The following PLD5 variants were observed in gnomAD, a reference collection of about 807,000 sequenced individuals.
The protein encoded by PLD5 is phospholipase D family member 5.
A neutral mutation model predicts 61.1 loss-of-function variants in PLD5; 36 were observed. The ratio of observed to expected loss-of-function variants is 0.59; its 90% CI spans 0.45 to 0.78. The LOEUF is 0.78. PLD5 is among the 30% of genes least tolerant of loss of function. The pLI, the probability that PLD5 is intolerant of heterozygous loss-of-function variation, is 0.00. For missense variants in PLD5, 515 were observed against 644.4 expected (o/e 0.80, Z 2.17); for synonymous variants, 243 against 242.8 (o/e 1.00, Z -0.01).
chr1:242,475,165 G>A (rs1332523627), intron 1 of PLD5, among the ~76,000 whole-genome samples: 1 of 152,208 alleles, frequency 6.6e-6, no homozygotes, highest in East Asian at 1.9e-4. Flanking sequence ...ACATAGAGAT[G>A]CATGTGCGTG....
intron 1 of PLD5, among the ~76,000 whole-genome samples, chr1:242,442,301 C>G (rs538149161): frequency 2.4e-4 from 36 of 152,264 alleles, no homozygotes; most frequent in Middle Eastern, 6.8e-3. Flanking sequence ...AGAATAAAAA[C>G]AACTGAGAAG....
rs990841445 is a variant in PLD5 at position 242,192,881 on chromosome 1, G to T, written c.735+27107C>A. 7.9e-5 allele frequency among the ~76,000 whole-genome samples: 12 copies of T among 151,962 alleles called. No individual in the cohort carries two copies. The East Asian group carries it at 2.3e-3, about 29-fold the overall frequency. Reference sequence around the variant, plus strand: ...GGTCTTAGTAACATTGGTGTTTTCTGGGGTAAGCCATGCTGGAAAAGCTCT... The same window carrying T: ...GGTCTTAGTAACATTGGTGTTTTCTTGGGTAAGCCATGCTGGAAAAGCTCT... On this transcript the variant is annotated intron_variant, in intron 5 of 9. Coordinates refer to ENST00000536534, the MANE Select transcript of PLD5 (RefSeq NM_001372062.1).
intron 5 of PLD5, among the ~76,000 whole-genome samples, chr1:242,130,130 C>A (rs1368554155): frequency 1.3e-5 from 2 of 151,540 alleles, no homozygotes; most frequent in Non-Finnish European, 2.9e-5. Flanking sequence ...TGGCTCACTG[C>A]AACCTCTGCC....
At chr1:242,138,850 C>G (rs915169452) in intron 5 of PLD5, among the ~76,000 whole-genome samples, 3 of 152,294 alleles carry the variant, frequency 2.0e-5, no homozygotes, top group Admixed American at 1.3e-4. Context: ...GCCTCTTACT[C>G]CTACCTGCCA....
chr1:242,112,678 T>C (rs978360039), intron 7 of PLD5, among the ~76,000 whole-genome samples: 4 of 152,142 alleles, frequency 2.6e-5, no homozygotes, highest in African/African-American at 9.6e-5. Flanking sequence ...TTATGTAGGG[T>C]TGGTGATGTA....
At chr1:242,417,465 C>A (rs1398271680) in intron 1 of PLD5, among the ~76,000 whole-genome samples, 1 of 152,198 alleles carries the variant, frequency 6.6e-6, no homozygotes, top group East Asian at 1.9e-4. Flanking sequence ...TGCATAATCT[C>A]CCCTTAGTTT....
At chr1:242,479,834 G>A (rs1239102752) in intron 1 of PLD5, among the ~76,000 whole-genome samples, 2 of 151,528 alleles carry the variant, frequency 1.3e-5, no homozygotes, top group African/African-American at 4.9e-5. Flanking sequence ...ACAAGGTCAG[G>A]AGATCGAGAC....
chr1:242,509,702 C>T (rs1668842980), intron 1 of PLD5, among the ~76,000 whole-genome samples: 1 of 152,146 alleles, frequency 6.6e-6, no homozygotes, highest in African/African-American at 2.4e-5. Context: ...TGAAGAAAAG[C>T]CACAACGATG....
chr1:242,268,862 A>G (rs1312650030), intron 3 of PLD5, among the ~76,000 whole-genome samples: 1 of 152,034 alleles, frequency 6.6e-6, no homozygotes, highest in Non-Finnish European at 1.5e-5. Flanking sequence ...TTAACTTTTG[A>G]GATGGAGTCT....
intron 5 of PLD5, among the ~76,000 whole-genome samples, chr1:242,158,141 G>A (rs1244289049): frequency 1.3e-5 from 2 of 152,166 alleles, no homozygotes; most frequent in East Asian, 3.9e-4. Context: ...CTCAGCAATG[G>A]CAGACGCCCC....
intron 5 of PLD5, among the ~76,000 whole-genome samples, chr1:242,153,768 G>C (rs1665128317): frequency 6.6e-6 from 1 of 152,116 alleles, no homozygotes; most frequent in African/African-American, 2.4e-5. Flanking sequence ...TTGTAGTATA[G>C]TTTGAAGTCA....
At chr1:242,218,376 TTG>T (rs1670348057) in intron 5 of PLD5, among the ~76,000 whole-genome samples, 5 of 152,202 alleles carry the variant, frequency 3.3e-5, no homozygotes. Flanking sequence ...TCCAAAAAAA[TTG>T]TGTGACTTGC....
intron 1 of PLD5, among the ~76,000 whole-genome samples, chr1:242,386,279 C>T (rs188310232): frequency 1.0e-3 from 152 of 152,230 alleles, no homozygotes; most frequent in Admixed American, 2.0e-3. Context: ...GGACACAACT[C>T]GACCCAAAAT....
Position 242,470,185 on chromosome 1 carries a change from CAA to C in PLD5, c.189+53901_189+53902del, listed in dbSNP as rs567246005. 5.3e-5 allele frequency among the ~76,000 whole-genome samples: 8 copies of C among 151,436 alleles called. No individual in the cohort carries two copies. In the South Asian group the frequency reaches 1.5e-3, roughly 28 times the overall value. ...TTAAACCCCGTCTCTACTAAAAATA[CAA>C]AAAAAATTAGCCGGGCGTGGTGCGG... On this transcript the variant is annotated intron_variant, in intron 1 of 9. Transcript: ENST00000536534.
chr1:242,446,980 ACT>A (rs1336545456), intron 1 of PLD5, among the ~76,000 whole-genome samples: 1 of 152,062 alleles, frequency 6.6e-6, no homozygotes, highest in Non-Finnish European at 1.5e-5. Context: ...AAAGCACAGA[ACT>A]CTGTGTGCCT....
At chr1:242,261,525 T>C (rs1249663593) in intron 4 of PLD5, among the ~76,000 whole-genome samples, 2 of 152,116 alleles carry the variant, frequency 1.3e-5, no homozygotes, top group Non-Finnish European at 2.9e-5. Context: ...ACTAAGAATT[T>C]CCATTTATGT....
At chr1:242,325,730 C>T (rs1658732362) in intron 2 of PLD5, among the ~76,000 whole-genome samples, 1 of 151,870 alleles carries the variant, frequency 6.6e-6, no homozygotes, top group Non-Finnish European at 1.5e-5. Flanking sequence ...GCTTTTTTTA[C>T]CTGGAGTAAT....
At chr1:242,211,676 C>T (rs1003224608) in intron 5 of PLD5, among the ~76,000 whole-genome samples, 6 of 152,100 alleles carry the variant, frequency 3.9e-5, no homozygotes, top group East Asian at 1.9e-4. Context: ...CCACAAGTGG[C>T]GCCCTGCATG....
chr1:242,512,170 G>A (rs867667110), intron 1 of PLD5, among the ~76,000 whole-genome samples: 1 of 151,806 alleles, frequency 6.6e-6, no homozygotes, highest in Non-Finnish European at 1.5e-5. Flanking sequence ...CCAGCACTTT[G>A]GGAGGCCAAG....
Sources: allele counts gnomAD v4.1 joint callset (sites outside exome capture counted in the v4.1 genomes callset), GRCh38; gene constraint gnomAD v4.1.1; transcripts MANE v1.5; gene names NCBI Gene and HGNC (gene_info 2026-07-23, HGNC 2026-07-21).